Variants in FAM107B observed in about 807,000 individuals in gnomAD.
FAM107B encodes protein FAM107B.
A neutral mutation model predicts 31.5 loss-of-function variants in FAM107B; 21 were observed. That is an observed-to-expected ratio of 0.67 (90% CI 0.47 to 0.96). FAM107B has a LOEUF of 0.96. Ranked by LOEUF, FAM107B falls within the 40% of genes least tolerant of loss-of-function variation. The pLI is 0.00. For missense variants in FAM107B, 452 were observed against 377.1 expected, an observed-to-expected ratio of 1.20 and a Z score of -1.64; for synonymous variants, 157 against 141.5, an observed-to-expected ratio of 1.11 and a Z score of -0.78.
intron 1 of FAM107B, among the ~76,000 whole-genome samples, chr10:14,678,250 G>A (rs1197924959): frequency 1.3e-5 from 2 of 152,172 alleles, no homozygotes; most frequent in African/African-American, 2.4e-5. Flanking sequence ...ATAAGGTAAC[G>A]AAGTACCTCC....
At chr10:14,603,031 A>G (rs1852454337) in intron 2 of FAM107B, among the ~76,000 whole-genome samples, 1 of 150,386 alleles carries the variant, frequency 6.6e-6, no homozygotes, top group African/African-American at 2.5e-5. Flanking sequence ...ACACACACAC[A>G]AACACACTAT....
intron 1 of FAM107B, among the ~76,000 whole-genome samples, chr10:14,753,948 T>C (rs2131584522): frequency 6.6e-6 from 1 of 151,186 alleles, no homozygotes; most frequent in Non-Finnish European, 1.5e-5. Context: ...TTTTCTTTTT[T>C]TTTTTTTTTT....
At chr10:14,668,923 A>G (rs767357824) in intron 1 of FAM107B, among the ~76,000 whole-genome samples, 1 of 152,222 alleles carries the variant, frequency 6.6e-6, no homozygotes, top group Non-Finnish European at 1.5e-5. Flanking sequence ...AACTGGGGCT[A>G]TTCTATAACC....
chr10:14,638,608 C>G (rs1033544357), intron 2 of FAM107B, among the ~76,000 whole-genome samples: 2 of 152,128 alleles, frequency 1.3e-5, no homozygotes, highest in South Asian at 4.2e-4. Flanking sequence ...TGCCTGCTAC[C>G]TATTTTTGCC....
intron 2 of FAM107B, among the ~76,000 whole-genome samples, chr10:14,551,698 AAAT>A (rs201064569): frequency 1.7e-5 from 2 of 115,978 alleles, no homozygotes; most frequent in Admixed American, 1.6e-4. Context: ...CTGGAAAAAA[AAAT>A]ATCTGTATTA....
chr10:14,539,477 A>T (rs190343765), intron 2 of FAM107B, among the ~76,000 whole-genome samples: 1 of 152,312 alleles, frequency 6.6e-6, no homozygotes, highest in East Asian at 1.9e-4. Context: ...TATCATGATC[A>T]AAGCCAAAGT....
At chr10:14,762,640 C>T (rs1588763617) in intron 1 of FAM107B, among the ~76,000 whole-genome samples, 1 of 151,896 alleles carries the variant, frequency 6.6e-6, no homozygotes, top group East Asian at 1.9e-4. Context: ...CCTGTAATCT[C>T]AGCTACTGGA....
intron 2 of FAM107B, chr10:14,556,438 C>T: frequency 1.0e-6 from 1 of 984,878 alleles, no homozygotes; most frequent in African/African-American, 1.7e-5. Flanking sequence ...CAGCACTCAG[C>T]ATGCCAGAGA....
intron 2 of FAM107B, among the ~76,000 whole-genome samples, chr10:14,650,702 T>C (rs1853876830): frequency 6.6e-6 from 1 of 152,264 alleles, no homozygotes; most frequent in Non-Finnish European, 1.5e-5. Context: ...TTGTGTTCTG[T>C]ACTTACAGTT....
In FAM107B at chr10:14,637,417, T is replaced by G. The variant is rs143389085; in HGVS notation, c.469+30217A>C. Reference sequence around the variant, plus strand: ...TGGGAGGTTGAAGCAGGTGGATTACTTGAGCCCAGGAGTTCGAGACCAGCC... The same window carrying G: ...TGGGAGGTTGAAGCAGGTGGATTACGTGAGCCCAGGAGTTCGAGACCAGCC... On this transcript the variant is annotated intron_variant, in intron 2 of 4. Coordinates refer to ENST00000181796, the MANE Select transcript of FAM107B (RefSeq NM_031453.4). 4.6e-3 allele frequency among the ~76,000 whole-genome samples: 694 copies of G among 152,284 alleles called. 7 individuals carry two copies. The highest frequency in any genetic ancestry group is 0.016 in the African/African-American group (670 of 41,574).
chr10:14,743,030 C>A (rs749625754), intron 1 of FAM107B, among the ~76,000 whole-genome samples: 3 of 152,054 alleles, frequency 2.0e-5, no homozygotes, highest in Non-Finnish European at 4.4e-5. Context: ...GGCTTTCTTC[C>A]CACCTCTGTT....
intron 2 of FAM107B, among the ~76,000 whole-genome samples, chr10:14,537,905 C>T (rs1203198118): frequency 6.6e-6 from 1 of 151,540 alleles, no homozygotes; most frequent in African/African-American, 2.4e-5. Flanking sequence ...CAATAGACAT[C>T]ACCTGCTATT....
intron 1 of FAM107B, among the ~76,000 whole-genome samples, chr10:14,695,051 G>A (rs1855232567): frequency 6.6e-6 from 1 of 152,112 alleles, no homozygotes; most frequent in East Asian, 1.9e-4. Flanking sequence ...AGTTTTTGGT[G>A]TGATATGCAA....
chr10:14,611,882 C>A (rs1052654414), intron 2 of FAM107B, among the ~76,000 whole-genome samples: 1 of 152,104 alleles, frequency 6.6e-6, no homozygotes, highest in African/African-American at 2.4e-5. Context: ...GAGTCACTCT[C>A]AGCCACAAAA....
Position 14,550,164 on chromosome 10 carries a change from T to C in FAM107B, c.470-19649A>G, listed in dbSNP as rs183909882. On this transcript the variant is annotated intron_variant, in intron 2 of 4. Coordinates refer to ENST00000181796, the MANE Select transcript of FAM107B (RefSeq NM_031453.4). ...CCTATAGAAGTGAAGTGATCCGATTTATCTTGACTCCAACAGGATGCTTTT... is the reference window on the plus strand; with the variant it reads ...CCTATAGAAGTGAAGTGATCCGATTCATCTTGACTCCAACAGGATGCTTTT... Among the ~76,000 whole-genome samples the C allele has an allele frequency of 1.8e-3, 277 of 152,348 alleles. 1 individual carries two copies. Among genetic ancestry groups the C allele is most frequent in the African/African-American group, 6.5e-3 (270 of 41,576 alleles).
chr10:14,521,393 C>T, intron 4 of FAM107B, 87 bp from the exon 5 acceptor site: 1 of 1,043,814 alleles, frequency 9.6e-7, no homozygotes, highest in South Asian at 1.4e-5. Flanking sequence ...TCCCTGACAA[C>T]TTTACTTCCC....
chr10:14,549,770 G>A (rs141833848), intron 2 of FAM107B, among the ~76,000 whole-genome samples: 4 of 152,056 alleles, frequency 2.6e-5, no homozygotes, highest in East Asian at 1.9e-4. Flanking sequence ...CCAGAAACTC[G>A]AAGTGATCTC....
chr10:14,728,164 A>T (rs1319100569), intron 1 of FAM107B, among the ~76,000 whole-genome samples: 2 of 152,214 alleles, frequency 1.3e-5, no homozygotes, highest in Non-Finnish European at 2.9e-5. Flanking sequence ...GCTCAAAGCC[A>T]TGACTTGGAT....
intron 1 of FAM107B, among the ~76,000 whole-genome samples, chr10:14,670,995 A>T (rs1854526253): frequency 6.6e-6 from 1 of 152,188 alleles, no homozygotes; most frequent in Non-Finnish European, 1.5e-5. Context: ...TGTAGTAGAC[A>T]TCTGTTGATT....
Sources: gnomAD v4.1 joint callset for allele counts (sites outside exome capture counted in the v4.1 genomes callset) on GRCh38, gnomAD v4.1.1 for gene constraint, MANE v1.5 for transcripts, NCBI Gene and HGNC (gene_info 2026-07-23, HGNC 2026-07-21) for gene names.